Variants in ITPR1 observed in about 807,000 individuals in gnomAD.
ITPR1 encodes the protein inositol 1,4,5-trisphosphate receptor type 1, also known as inositol 1,4,5-trisphosphate-gated calcium channel ITPR1.
In ITPR1, 96 loss-of-function variants were observed where a neutral mutation model predicts 318.4. That is an observed-to-expected ratio of 0.30 (90% CI 0.26 to 0.36). ITPR1 has a LOEUF of 0.36. Among genes scored for constraint, ITPR1 ranks in the 10% least tolerant of loss-of-function variants. The probability of loss-of-function intolerance (pLI) is 1.00; values close to 1 mark genes in which losing one functional copy is unlikely to be tolerated. For missense variants in ITPR1, 2,440 were observed against 3,460.2 expected, an observed-to-expected ratio of 0.71 and a Z score of 7.40; for synonymous variants, 1,312 against 1,289.9, an observed-to-expected ratio of 1.02 and a Z score of -0.37.
chr3:4,717,460 C>A, intron 40 of ITPR1, 61 bp downstream of exon 40: 1 of 1,306,062 alleles, frequency 7.7e-7, no homozygotes, highest in South Asian at 1.2e-5. Context: ...TGACACCTTC[C>A]CAGTTAGCCC....
chr3:4,729,175 G>T (rs144304114), intron 42 of ITPR1, among the ~76,000 whole-genome samples: 297 of 152,230 alleles, frequency 2.0e-3, no homozygotes, highest in Middle Eastern at 0.017. Flanking sequence ...TCAAGTTTTG[G>T]GGTTTTCTTT....
At chr3:4,586,390 A>G (rs1404631973) in intron 4 of ITPR1, among the ~76,000 whole-genome samples, 1 of 152,176 alleles carries the variant, frequency 6.6e-6, no homozygotes, top group African/African-American at 2.4e-5. Flanking sequence ...CCACAGCAAC[A>G]TGGTTAGCTA....
chr3:4,592,276 T>C (rs1184478194), intron 4 of ITPR1, among the ~76,000 whole-genome samples: 2 of 152,216 alleles, frequency 1.3e-5, no homozygotes, highest in Non-Finnish European at 2.9e-5. Context: ...TTTTATGTTT[T>C]GTGTTTAATA....
At chr3:4,602,598 A>C (rs1041012218) in intron 4 of ITPR1, among the ~76,000 whole-genome samples, 1 of 152,254 alleles carries the variant, frequency 6.6e-6, no homozygotes, top group Non-Finnish European at 1.5e-5. Context: ...GCTAAAAAGT[A>C]GAAACAACTC....
At chr3:4,615,633 C>T (rs2092358700) in intron 4 of ITPR1, among the ~76,000 whole-genome samples, 1 of 152,028 alleles carries the variant, frequency 6.6e-6, no homozygotes, top group Non-Finnish European at 1.5e-5. Context: ...GCCTTGGCCT[C>T]CCCAAAGTGC....
chr3:4,536,880 G>T (rs1158092954), intron 4 of ITPR1, among the ~76,000 whole-genome samples: 1 of 152,178 alleles, frequency 6.6e-6, no homozygotes, highest in Non-Finnish European at 1.5e-5. Context: ...GTGTCAGGTT[G>T]GTTGTTGGAA....
chr3:4,752,254 G>A (rs1229005733), intron 44 of ITPR1, among the ~76,000 whole-genome samples: 1 of 152,184 alleles, frequency 6.6e-6, no homozygotes, highest in Non-Finnish European at 1.5e-5. Context: ...CCCACAAACT[G>A]TTGAGCCCAG....
chr3:4,796,965 G>C (rs2047938491), intron 53 of ITPR1, among the ~76,000 whole-genome samples: 1 of 152,188 alleles, frequency 6.6e-6, no homozygotes, highest in South Asian at 2.1e-4. Flanking sequence ...CCAAGCTTGA[G>C]ATCCCCTGGA....
rs936286480 is a variant in ITPR1, at chr3:4,781,578, G to A, written c.6388-1041G>A. On this transcript the variant is annotated intron_variant, in intron 49 of 61. Transcript: ENST00000649015. The stretch of plus-strand genomic sequence containing the variant: ...CCAAGTGTGTGGTCCTCCGGGAGCC[G>A]AGTCGTGCGGCTGTGAAGGGTAATA... Among the ~76,000 whole-genome samples the A allele has an allele frequency of 5.9e-5, 9 of 152,190 alleles. 1 individual carries two copies. Among genetic ancestry groups the A allele is most frequent in the Non-Finnish European group, 1.3e-4 (9 of 68,036 alleles).
chr3:4,773,515 T>C (rs1374781150), intron 46 of ITPR1, among the ~76,000 whole-genome samples: 3 of 152,044 alleles, frequency 2.0e-5, no homozygotes, highest in Non-Finnish European at 4.4e-5. Flanking sequence ...TATATTCGAA[T>C]GGGAACATTT....
chr3:4,680,386 C>T (rs72995437), intron 24 of ITPR1, among the ~76,000 whole-genome samples, 167 bp from the exon 25 acceptor site: 2,357 of 152,238 alleles, frequency 0.015, 25 homozygotes, highest in Non-Finnish European at 0.026. Flanking sequence ...TGGAAGTCTG[C>T]TGTTGTTAAA....
chr3:4,496,710 A>G (rs2080604299), intron 2 of ITPR1, among the ~76,000 whole-genome samples: 1 of 152,230 alleles, frequency 6.6e-6, no homozygotes, highest in African/African-American at 2.4e-5. Flanking sequence ...GAGAAAGATA[A>G]AAAAGAAACC....
At chr3:4,545,024 G>A (rs1303188098) in intron 4 of ITPR1, among the ~76,000 whole-genome samples, 3 of 151,964 alleles carry the variant, frequency 2.0e-5, no homozygotes, top group Admixed American at 2.0e-4. Flanking sequence ...TCGAACTCCT[G>A]GGCTCTAGCA....
At chr3:4,769,441 A>T (rs773806593) in intron 46 of ITPR1, among the ~76,000 whole-genome samples, 1 of 152,256 alleles carries the variant, frequency 6.6e-6, no homozygotes, top group Non-Finnish European at 1.5e-5. Flanking sequence ...TAAATATATT[A>T]GATTTCTAAA....
chr3:4,828,631 G>A (rs1331300643), intron 60 of ITPR1, among the ~76,000 whole-genome samples: 2 of 152,154 alleles, frequency 1.3e-5, no homozygotes, highest in African/African-American at 2.4e-5. Context: ...TCCTCCACCG[G>A]TGGCCCCAGA....
chr3:4,588,692 C>T (rs1359701998), intron 4 of ITPR1, among the ~76,000 whole-genome samples: 2 of 152,094 alleles, frequency 1.3e-5, no homozygotes, highest in East Asian at 3.8e-4. Flanking sequence ...TGTGCATCTC[C>T]AACTTTCTAA....
intron 4 of ITPR1, among the ~76,000 whole-genome samples, chr3:4,593,579 A>G (rs549222797): frequency 1.3e-5 from 2 of 152,348 alleles, no homozygotes; most frequent in East Asian, 3.9e-4. Context: ...ACATAAACTG[A>G]TAATTATATG....
At position 4,669,143 on chromosome 3, in the gene ITPR1, TC is replaced by T. The variant is rs201229974; in HGVS notation, c.1887-509del. Among the ~76,000 whole-genome samples the T allele has an allele frequency of 4.0e-4, 61 of 152,302 alleles. No individual in the cohort carries two copies. In the East Asian group the frequency reaches 0.01, roughly 25 times the overall value. ...TCAGGTAGTGAGCAATGGAAGCACT[TC>T]CGTTAATTATCTCATTTAATCCGCA... is the stretch of plus-strand genomic sequence containing the variant. On this transcript the variant is annotated intron_variant, in intron 18 of 61. Transcript: ENST00000649015.
chr3:4,632,658 A>T (rs1209677323), intron 5 of ITPR1, among the ~76,000 whole-genome samples: 1 of 152,184 alleles, frequency 6.6e-6, no homozygotes, highest in Non-Finnish European at 1.5e-5. Context: ...CTCAGGCTGG[A>T]TGTGGTTCTT....
Sources: gnomAD v4.1 joint callset for allele counts (sites outside exome capture counted in the v4.1 genomes callset) on GRCh38, gnomAD v4.1.1 for gene constraint, MANE v1.5 for transcripts, NCBI Gene and HGNC (gene_info 2026-07-23, HGNC 2026-07-21) for gene names.